Variants in MX1 observed in about 807,000 individuals in gnomAD.
MX1 encodes the protein MX dynamin like GTPase 1, also known as interferon-induced GTP-binding protein Mx1.
MX1 carries 66 observed loss-of-function variants against 66.4 expected under a neutral mutation model. That is an observed-to-expected ratio of 0.99 (90% CI 0.82 to 1.22). MX1 has a LOEUF of 1.22. Ranked by LOEUF, MX1 falls within the 50% of genes most tolerant of loss-of-function variation. The pLI is 0.00. For synonymous variants in MX1, 311 were observed against 318.1 expected, an observed-to-expected ratio of 0.98 and a Z score of 0.24; for missense variants, 787 against 834.3, an observed-to-expected ratio of 0.94 and a Z score of 0.70.
intron 13 of MX1, among the ~76,000 whole-genome samples, chr21:41,448,006 G>A (rs972980174): frequency 5.9e-5 from 9 of 152,200 alleles, no homozygotes; most frequent in Non-Finnish European, 1.2e-4. Flanking sequence ...TGGGATTACG[G>A]GCGTGAGCCA....
chr21:41,445,358 C>G (rs1303308633), intron 11 of MX1, 90 bp from the exon 12 acceptor site: 16 of 1,493,380 alleles, frequency 1.1e-5, no homozygotes, highest in Non-Finnish European at 1.5e-5. Flanking sequence ...ATGGCCCACA[C>G]AACTCCTCTG....
At chr21:41,432,255 A>G (rs551847357) in intron 5 of MX1, 80 bp downstream of exon 5, 6 of 1,273,174 alleles carry the variant, frequency 4.7e-6, no homozygotes, top group South Asian at 3.6e-5. Context: ...CAGCGGTGCT[A>G]CTGCTGCCCA....
At chr21:41,442,010 T>G in intron 10 of MX1, 96 bp downstream of exon 10, 1 of 1,027,510 alleles carries the variant, frequency 9.7e-7, no homozygotes, top group Non-Finnish European at 1.5e-6. Flanking sequence ...GTGTGGAGTG[T>G]GTGTGTGTGT....
At position 41,441,082 on chromosome 21, in the gene MX1, C is replaced by T. The variant is rs561549705; in HGVS notation, c.730+57C>T. The T allele has an allele frequency of 3.0e-4, 440 of 1,451,488 alleles. 9 individuals carry two copies. The South Asian group carries it at 5.6e-3, about 19-fold the overall frequency. 89.9% of individuals were successfully genotyped at this position (1,451,488 alleles called of 1,614,324 possible). The stretch of plus-strand genomic sequence containing the variant: ...GAGAATGGGGGAGCCCGCCTGTGCT[C>T]GGTGAGAATGGGGGAGCCCACCTGT... On this transcript the variant is annotated intron_variant, in intron 9 of 16. Transcript: ENST00000398598. This position sits in a 1 kb window ranked among gnomAD's most constrained non-coding sequence, Gnocchi z 4.0.
rs183046424 is a variant in MX1 at position 41,459,161 on chromosome 21, G to A, written c.*403G>A. 6.7e-5 allele frequency: 15 copies of A among 223,500 alleles called. No homozygotes were observed. The East Asian group carries it at 8.8e-4, about 13-fold the overall frequency. 13.8% of individuals were successfully genotyped at this position (223,500 alleles called of 1,614,324 possible). On this transcript the variant is annotated 3_prime_UTR_variant, in exon 17 of 17. Coordinates refer to ENST00000398598, the MANE Select transcript of MX1 (RefSeq NM_002462.5). The stretch of plus-strand genomic sequence containing the variant: ...AGGAGCATGAGTGCCGTGTGTGTGC[G>A]TCCTGTCGGAGCCCTGTCTCCTCTC...
At chr21:41,438,236 C>T (rs1039746379) in intron 7 of MX1, among the ~76,000 whole-genome samples, 3 of 152,206 alleles carry the variant, frequency 2.0e-5, no homozygotes, top group African/African-American at 4.8e-5. Flanking sequence ...ATTGACAAAC[C>T]GTGATTTTGA....
upstream of MX1, among the ~76,000 whole-genome samples, chr21:41,424,003 G>A (rs1003082308): frequency 1.3e-5 from 2 of 152,050 alleles, no homozygotes; most frequent in South Asian, 2.1e-4. Flanking sequence ...GATTTTGTTC[G>A]TGAACAAGGG....
intron 12 of MX1, 35 bp downstream of exon 12, chr21:41,445,605 A>C (rs751629404): frequency 6.2e-7 from 1 of 1,612,976 alleles, no homozygotes; most frequent in South Asian, 1.1e-5. Flanking sequence ...CTGGAGAAGC[A>C]CATGTCATGG....
Position 41,441,739 on chromosome 21 carries a change from G to T in MX1, c.754G>T (p.Val252Leu), listed in dbSNP as rs1451865358. 4 of 1,614,078 alleles carry T rather than the reference G, an allele frequency of 2.5e-6. No individual in the cohort carries two copies. In the East Asian group the frequency reaches 8.9e-5, roughly 36 times the overall value. ...TIGILTKPDL[V>L]DKGTEDKVVD... Reference sequence around the variant, plus strand: ...AGGAATCTTGACGAAGCCTGATCTGGTGGACAAAGGAACTGAAGACAAGGT... The same window carrying T: ...AGGAATCTTGACGAAGCCTGATCTGTTGGACAAAGGAACTGAAGACAAGGT... Residue 252 changes from valine (V) to leucine (L), a missense_variant, in exon 10 of 17, where the codon GTG becomes TTG. Val to Leu is a conservative substitution (Grantham distance 32). Transcript: ENST00000398598. The surrounding 1 kb of genome is among the most constrained non-coding windows in gnomAD (Gnocchi z 4.0).
In MX1 at chr21:41,442,021, G is replaced by A. The variant is rs1398503541; in HGVS notation, c.929+107G>A. ...AGATGTGTGGAGTGTGTGTGTGTGTGTGTGCGTGTGTGTGTGTGCGCGTGT... is the reference window on the plus strand; with the variant it reads ...AGATGTGTGGAGTGTGTGTGTGTGTATGTGCGTGTGTGTGTGTGCGCGTGT... On this transcript the variant is annotated intron_variant, in intron 10 of 16. Transcript: ENST00000398598. 8 of 1,020,396 alleles carry A rather than the reference G, an allele frequency of 7.8e-6. 1 individual carries two copies. The highest frequency in any genetic ancestry group is 1.6e-5 in the African/African-American group (1 of 62,902). The allele number at this position is 1,020,396 out of a possible 1,614,324, so 63.2% of individuals were successfully genotyped here.
rs775331020 is a variant in MX1 at position 41,437,059 on chromosome 21, G to A, written c.343G>A (p.Val115Met). The change falls in exon 7 of 17, where the codon GTG becomes ATG. Residue 115 changes from valine (V) to methionine (M), a missense_variant. Coordinates refer to ENST00000398598, the MANE Select transcript of MX1 (RefSeq NM_002462.5). ...GCTGGTGCTGAAACTGAAGAAACTT[G>A]TGAACGAAGATAAGTGGAGAGGCAA... ...CPLVLKLKKLVNEDKWRGKVS... is the reference protein window; with the variant it reads ...CPLVLKLKKLMNEDKWRGKVS... 6.2e-7 allele frequency: 1 copy of A among 1,613,992 alleles called. No homozygotes were observed. Among genetic ancestry groups the A allele is most frequent in the Non-Finnish European group, 8.5e-7 (1 of 1,179,904 alleles).
intron 13 of MX1, among the ~76,000 whole-genome samples, chr21:41,448,930 T>TTGTGTGTG (rs10528033): frequency 1.4e-5 from 2 of 139,530 alleles, no homozygotes; most frequent in Non-Finnish European, 3.1e-5. Context: ...AGATCTGGTT[T>TTGTGTGTG]TGTGTGTGTG....
At position 41,452,790 on chromosome 21, in the gene MX1, A is replaced by AT. The variant is rs1345225733; in HGVS notation, c.1683dup (p.Gly562TrpfsTer110). On this transcript the variant is annotated frameshift_variant, in exon 16 of 17. Coordinates refer to ENST00000398598, the MANE Select transcript of MX1 (RefSeq NM_002462.5). LOFTEE classifies it high-confidence loss of function. ...GAAGAAAAGAAGAAGAAATCCTGGG[A>AT]TTTTGGGGCTTTCCAGTCCAGCTCG... is the stretch of plus-strand genomic sequence containing the variant. The AT allele has an allele frequency of 4.3e-6, 7 of 1,613,944 alleles. No individual in the cohort carries two copies. The Admixed American group carries it at 1.2e-4, about 27-fold the overall frequency.
At chr21:41,430,260 GA>G (rs1437733149) in intron 3 of MX1, among the ~76,000 whole-genome samples, 1 of 152,184 alleles carries the variant, frequency 6.6e-6, no homozygotes, top group African/African-American at 2.4e-5. Flanking sequence ...GCTCTCGGGG[GA>G]GATTCCTGCG....
chr21:41,445,462 G>T lies in MX1; in HGVS notation c.1023G>T (p.Leu341=). ...ATTTTCCTCAGAAATCTCTGCCCCT[G>T]TTAGAAAATCAAATCAAGGAGACTC... ...LITHICKSLP[L]LENQIKETHQ... The change falls in exon 12 of 17, where the codon CTG becomes CTT. Residue 341 remains leucine (L), a synonymous_variant. Coordinates refer to ENST00000398598, the MANE Select transcript of MX1 (RefSeq NM_002462.5). 1 of 1,614,032 alleles carries T rather than the reference G, an allele frequency of 6.2e-7. No individual in the cohort carries two copies.
chr21:41,443,126 A>G (rs544381265), intron 10 of MX1, among the ~76,000 whole-genome samples: 10 of 152,164 alleles, frequency 6.6e-5, no homozygotes, highest in Admixed American at 6.6e-4. Flanking sequence ...GTTTACCACA[A>G]TTTAGAAAAA....
intron 15 of MX1, 125 bp downstream of exon 15, chr21:41,451,368 A>G (rs2090820229): frequency 8.5e-6 from 6 of 709,128 alleles, no homozygotes; most frequent in East Asian, 2.5e-5. Flanking sequence ...AGCAAATAAC[A>G]TCACTCACTA....
Position 41,437,049 on chromosome 21 carries a change from G to A in MX1, c.333G>A (p.Leu111=), listed in dbSNP as rs1408702832. 6.2e-7 allele frequency: 1 copy of A among 1,613,976 alleles called. No individual in the cohort carries two copies. The highest frequency in any genetic ancestry group is 1.3e-5 in the African/African-American group (1 of 75,036). ...IVTRCPLVLK[L]KKLVNEDKWR... is the part of the protein sequence containing the mutation. Reference sequence around the variant, plus strand: ...CCAGATGCCCGCTGGTGCTGAAACTGAAGAAACTTGTGAACGAAGATAAGT... The same window carrying A: ...CCAGATGCCCGCTGGTGCTGAAACTAAAGAAACTTGTGAACGAAGATAAGT... Residue 111 remains leucine, a synonymous_variant, in exon 7 of 17, where the codon CTG becomes CTA. Coordinates refer to ENST00000398598, the MANE Select transcript of MX1 (RefSeq NM_002462.5).
rs465035 is a variant in MX1, at chr21:41,439,106, C to T, written c.437-588C>T. 4.2e-4 allele frequency among the ~76,000 whole-genome samples: 63 copies of T among 151,686 alleles called. No individual in the cohort carries two copies. The Middle Eastern group carries it at 0.01, about 25-fold the overall frequency. ...CATAACCACTGATATTTCCTAAGTT[C>T]TAAATTGATATCAAACATCCCAAAA... On this transcript the variant is annotated intron_variant, in intron 7 of 16. Transcript: ENST00000398598.
Sources: gnomAD v4.1 joint callset for allele counts (sites outside exome capture counted in the v4.1 genomes callset) on GRCh38, gnomAD v4.1.1 for gene constraint, Gnocchi (gnomAD v3.1) non-coding constraint, MANE v1.5 for transcripts, NCBI Gene and HGNC (gene_info 2026-07-23, HGNC 2026-07-21) for gene names.